The following BMPER variants were observed in gnomAD, a reference collection of about 807,000 sequenced individuals.
BMPER encodes the protein BMP binding endothelial regulator.
A neutral mutation model predicts 87.3 loss-of-function variants in BMPER; 45 were observed. That is an observed-to-expected ratio of 0.52 (90% CI 0.41 to 0.66). The LOEUF (loss-of-function observed/expected upper bound fraction) is 0.66, where lower values mean the gene tolerates loss of function less well. BMPER is among the 30% of genes least tolerant of loss of function. The pLI is 0.00. For synonymous variants in BMPER, 326 were observed against 316.2 expected (o/e 1.03, Z -0.33); for missense variants, 784 against 867.5 (o/e 0.90, Z 1.21).
chr7:34,057,250 T>C lies in BMPER; in HGVS notation c.928-809T>C, dbSNP rs1330999944. On this transcript the variant is annotated intron_variant, in intron 9 of 14. Coordinates refer to ENST00000649409, the MANE Select transcript of BMPER (RefSeq NM_001365308.1). ...AGCCCAACTCTGTTGTCTGTGATCT[T>C]TTTTACCCACAAGCAAGGATGCACA... Among the ~76,000 whole-genome samples the C allele has an allele frequency of 2.0e-5, 3 of 152,192 alleles. No homozygotes were observed. The East Asian group carries it at 5.8e-4, about 29-fold the overall frequency.
intron 11 of BMPER, among the ~76,000 whole-genome samples, chr7:34,073,701 A>G (rs887962831): frequency 2.0e-5 from 3 of 152,260 alleles, no homozygotes; most frequent in Non-Finnish European, 2.9e-5. Flanking sequence ...AGTTTGGTAC[A>G]CCATATTTTT....
At chr7:33,973,871 T>C (rs1428945497) in intron 5 of BMPER, among the ~76,000 whole-genome samples, 1 of 152,192 alleles carries the variant, frequency 6.6e-6, no homozygotes, top group Non-Finnish European at 1.5e-5. Context: ...TCCTGTCTGG[T>C]TTGTGCATCG....
intron 5 of BMPER, 89 bp downstream of exon 5, chr7:33,970,508 C>A: frequency 7.5e-7 from 1 of 1,337,680 alleles, no homozygotes; most frequent in African/African-American, 1.4e-5. Context: ...TGGAAATTTT[C>A]CTCACTTTAC....
chr7:33,935,311 C>T (rs963001969), intron 2 of BMPER, among the ~76,000 whole-genome samples: 7 of 152,162 alleles, frequency 4.6e-5, no homozygotes, highest in Admixed American at 4.6e-4. Flanking sequence ...CCCCAGTGGC[C>T]ACAGAAATAC....
chr7:33,908,219 CTTT>C (rs568488643), intron 2 of BMPER, among the ~76,000 whole-genome samples: 3 of 151,900 alleles, frequency 2.0e-5, no homozygotes, highest in Non-Finnish European at 4.4e-5. Context: ...TTTAATCTTC[CTTT>C]TTTATTTTTC....
intron 13 of BMPER, among the ~76,000 whole-genome samples, chr7:34,124,620 G>C (rs1407999739): frequency 6.6e-6 from 1 of 152,022 alleles, no homozygotes; most frequent in Non-Finnish European, 1.5e-5. Context: ...AAGTAAAATT[G>C]TGTCCTTTAC....
chr7:34,055,489 G>A (rs1788260179), intron 9 of BMPER, among the ~76,000 whole-genome samples, 186 bp downstream of exon 9: 1 of 152,146 alleles, frequency 6.6e-6, no homozygotes, highest in Non-Finnish European at 1.5e-5. Flanking sequence ...TTAGAATCAA[G>A]TGCAGATAGG....
At chr7:34,028,063 T>A (rs1017000678) in intron 6 of BMPER, among the ~76,000 whole-genome samples, 3 of 152,054 alleles carry the variant, frequency 2.0e-5, no homozygotes, top group African/African-American at 7.2e-5. Flanking sequence ...TGGTATAATA[T>A]CAAAGAAGAG....
intron 2 of BMPER, chr7:33,921,843 A>T (rs1217112368): frequency 2.1e-6 from 1 of 470,744 alleles, no homozygotes; most frequent in Non-Finnish European, 4.4e-6. Flanking sequence ...CTAGTGCGCC[A>T]GCTGCATCTG....
intron 3 of BMPER, among the ~76,000 whole-genome samples, chr7:33,939,465 C>G (rs1478780045): frequency 2.0e-5 from 3 of 152,092 alleles, no homozygotes; most frequent in Non-Finnish European, 4.4e-5. Flanking sequence ...GGTCAAGAAT[C>G]CTGCCCTGCT....
chr7:34,036,018 T>C (rs1562702382), intron 6 of BMPER, among the ~76,000 whole-genome samples: 1 of 152,162 alleles, frequency 6.6e-6, no homozygotes, highest in African/African-American at 2.4e-5. Context: ...AATGTTGTTG[T>C]GATGTAGATA....
intron 3 of BMPER, among the ~76,000 whole-genome samples, chr7:33,964,076 G>A (rs554745119): frequency 6.6e-6 from 1 of 152,206 alleles, no homozygotes; most frequent in East Asian, 1.9e-4. Context: ...GTACATATAA[G>A]GTTTTCTTTG....
At chr7:34,104,890 A>G (rs1789779281) in intron 13 of BMPER, among the ~76,000 whole-genome samples, 1 of 152,190 alleles carries the variant, frequency 6.6e-6, no homozygotes, top group African/African-American at 2.4e-5. Context: ...CAGTTGAGGA[A>G]GGGAAAGTGG....
intron 6 of BMPER, among the ~76,000 whole-genome samples, chr7:33,994,897 C>G (rs959532919): frequency 6.6e-6 from 1 of 152,072 alleles, no homozygotes; most frequent in African/African-American, 2.4e-5. Context: ...TTCTACAATT[C>G]TATAATATCT....
At chr7:34,047,820 T>TCC (rs1562709449) in intron 7 of BMPER, among the ~76,000 whole-genome samples, 499 of 134,290 alleles carry the variant, frequency 3.7e-3, no homozygotes, top group Non-Finnish European at 4.8e-3. Flanking sequence ...TCTTCCTCAC[T>TCC]TTCCTACTTT....
At chr7:34,091,952 G>A (rs1176081625) in intron 13 of BMPER, among the ~76,000 whole-genome samples, 1 of 152,096 alleles carries the variant, frequency 6.6e-6, no homozygotes, top group Non-Finnish European at 1.5e-5. Context: ...AGTTCTCTGG[G>A]GAATGGGGAG....
intron 6 of BMPER, among the ~76,000 whole-genome samples, chr7:34,019,941 T>C (rs935470216): frequency 6.6e-6 from 1 of 150,764 alleles, no homozygotes; most frequent in Non-Finnish European, 1.5e-5. Context: ...GTAAGGTTTT[T>C]TTAGAAGGTT....
intron 6 of BMPER, among the ~76,000 whole-genome samples, chr7:34,009,265 T>C (rs1430873414): frequency 6.6e-6 from 1 of 152,016 alleles, no homozygotes; most frequent in East Asian, 1.9e-4. Flanking sequence ...GAATGTGTCT[T>C]TATTATTATA....
intron 4 of BMPER, among the ~76,000 whole-genome samples, chr7:33,968,818 C>T (rs1785467116): frequency 6.6e-6 from 1 of 152,118 alleles, no homozygotes; most frequent in African/African-American, 2.4e-5. Flanking sequence ...CCTTTATTTT[C>T]CTGCTTTTAA....
Sources: allele counts gnomAD v4.1 joint callset (sites outside exome capture counted in the v4.1 genomes callset), GRCh38; gene constraint gnomAD v4.1.1; transcripts MANE v1.5; gene names NCBI Gene and HGNC (gene_info 2026-07-23, HGNC 2026-07-21).